The following EPHA6 variants were observed in gnomAD, a reference collection of about 807,000 sequenced individuals.
The protein encoded by EPHA6 is EPH receptor A6, also known as ephrin type-A receptor 6.
In EPHA6, 50 loss-of-function variants were observed where a neutral mutation model predicts 112.0. The ratio of observed to expected loss-of-function variants is 0.45; its 90% CI spans 0.36 to 0.56. The LOEUF (loss-of-function observed/expected upper bound fraction) is 0.56. EPHA6 is among the 20% of genes least tolerant of loss of function. The probability of loss-of-function intolerance (pLI) is 0.00; values close to 1 mark genes in which losing one functional copy is unlikely to be tolerated. For synonymous variants in EPHA6, 529 were observed against 490.7 expected (o/e 1.08, Z -1.03); for missense variants, 1,280 against 1,417.4 (o/e 0.90, Z 1.56).
At chr3:97,528,855 G>T (rs1056126391) in intron 10 of EPHA6, among the ~76,000 whole-genome samples, 8 of 152,144 alleles carry the variant, frequency 5.3e-5, no homozygotes, top group Non-Finnish European at 1.0e-4. Context: ...AGATAGATGG[G>T]GTTATTAGCT....
chr3:97,125,670 A>C (rs1451890324), intron 3 of EPHA6, among the ~76,000 whole-genome samples: 1 of 152,180 alleles, frequency 6.6e-6, no homozygotes, highest in Non-Finnish European at 1.5e-5. Flanking sequence ...AAAATGACTA[A>C]AAATTCTTTA....
At position 97,758,230 on chromosome 3, in the gene EPHA6, C is replaced by G. The variant is rs1428453733; in HGVS notation, c.*9529C>G. Among the ~76,000 whole-genome samples, 1 of 151,836 alleles carries G rather than the reference C, an allele frequency of 6.6e-6. No homozygotes were observed. The highest frequency in any genetic ancestry group is 6.6e-5 in the Admixed American group (1 of 15,240). On this transcript the variant is annotated 3_prime_UTR_variant, in exon 18 of 18. Coordinates refer to ENST00000389672, the MANE Select transcript of EPHA6 (RefSeq NM_001080448.3). Reference sequence around the variant, plus strand: ...AAAACCTTTGAGAAAACAAAATAATCGTTTTCCCTACCTTACAACCTTGAT... The same window carrying G: ...AAAACCTTTGAGAAAACAAAATAATGGTTTTCCCTACCTTACAACCTTGAT...
chr3:97,510,850 ACTGGGACTGCTTC>A (rs1300248079), intron 10 of EPHA6, among the ~76,000 whole-genome samples: 1 of 152,340 alleles, frequency 6.6e-6, no homozygotes, highest in East Asian at 1.9e-4. Flanking sequence ...TAAGCCCCTG[ACTGGGACTGCTTC>A]CTTTCTTTCA....
intron 3 of EPHA6, among the ~76,000 whole-genome samples, chr3:97,010,519 CTT>C (rs929368480): frequency 4.9e-4 from 74 of 152,160 alleles, no homozygotes; most frequent in African/African-American, 1.7e-3. Flanking sequence ...AGTTATCAAA[CTT>C]GTTATTTTTT....
intron 3 of EPHA6, among the ~76,000 whole-genome samples, chr3:97,041,937 A>G (rs568735377): frequency 6.6e-5 from 10 of 152,192 alleles, no homozygotes; most frequent in Admixed American, 3.9e-4. Context: ...ACAATTCAAC[A>G]TAAGATTTGG....
chr3:97,165,777 A>G (rs1232244933), intron 3 of EPHA6, among the ~76,000 whole-genome samples: 2 of 152,178 alleles, frequency 1.3e-5, no homozygotes, highest in African/African-American at 4.8e-5. Context: ...GCTTCTCCAT[A>G]TGGGAAGTAG....
intron 13 of EPHA6, among the ~76,000 whole-genome samples, chr3:97,637,480 C>CAGAAGGG (rs1358033358): frequency 6.6e-6 from 1 of 152,034 alleles, no homozygotes; most frequent in Non-Finnish European, 1.5e-5. Context: ...GCCCTTCTAC[C>CAGAAGGG]CAGCTGTACA....
chr3:97,298,783 TA>T (rs1185527005), intron 5 of EPHA6, among the ~76,000 whole-genome samples: 9 of 151,924 alleles, frequency 5.9e-5, no homozygotes, highest in South Asian at 4.1e-4. Context: ...GATTTTCTTC[TA>T]AAAAAAATTC....
chr3:97,215,955 A>G (rs2078022942), intron 3 of EPHA6, among the ~76,000 whole-genome samples: 1 of 152,198 alleles, frequency 6.6e-6, no homozygotes, highest in African/African-American at 2.4e-5. Flanking sequence ...CAATTCACTA[A>G]CAGGAATAAG....
At chr3:97,006,012 G>A (rs942880658) in intron 3 of EPHA6, among the ~76,000 whole-genome samples, 1 of 152,094 alleles carries the variant, frequency 6.6e-6, no homozygotes, top group African/African-American at 2.4e-5. Context: ...TGCTGGATTC[G>A]GTTTGCCAGT....
chr3:97,012,651 G>A (rs1446733048), intron 3 of EPHA6, among the ~76,000 whole-genome samples: 2 of 144,288 alleles, frequency 1.4e-5, no homozygotes, highest in African/African-American at 2.6e-5. Flanking sequence ...AAAGAAACTG[G>A]GTTTTGTCTT....
At chr3:97,273,443 G>A (rs111553620) in intron 5 of EPHA6, among the ~76,000 whole-genome samples, 1,862 of 152,262 alleles carry the variant, frequency 0.012, 36 homozygotes, top group African/African-American at 0.043. Context: ...TGGGGGCACA[G>A]TCCAAGTTGA....
intron 12 of EPHA6, among the ~76,000 whole-genome samples, chr3:97,601,887 A>T (rs1440063385): frequency 6.6e-6 from 1 of 152,136 alleles, no homozygotes; most frequent in Non-Finnish European, 1.5e-5. Context: ...TTTTCTTTTG[A>T]CAGTGAATGA....
intron 14 of EPHA6, among the ~76,000 whole-genome samples, chr3:97,664,421 T>A (rs2094191723): frequency 6.6e-6 from 1 of 152,182 alleles, no homozygotes; most frequent in Non-Finnish European, 1.5e-5. Flanking sequence ...AAGACAGGGA[T>A]GCCCTCCCTC....
intron 10 of EPHA6, among the ~76,000 whole-genome samples, chr3:97,489,645 C>A (rs2091787303): frequency 6.7e-6 from 1 of 150,328 alleles, no homozygotes. Context: ...GAGATCGCAC[C>A]ACTGCACTCC....
intron 1 of EPHA6, among the ~76,000 whole-genome samples, chr3:96,825,846 C>T (rs1196080435): frequency 6.6e-6 from 1 of 151,496 alleles, no homozygotes; most frequent in Non-Finnish European, 1.5e-5. Flanking sequence ...TTTTATGGTC[C>T]TTCTTCCCAT....
intron 11 of EPHA6, among the ~76,000 whole-genome samples, chr3:97,535,304 A>G (rs2107656723): frequency 6.6e-6 from 1 of 152,138 alleles, no homozygotes; most frequent in Non-Finnish European, 1.5e-5. Flanking sequence ...TTTTTGTTCC[A>G]CTTCTTAAAA....
At chr3:97,573,746 G>A (rs1436824787) in intron 11 of EPHA6, among the ~76,000 whole-genome samples, 5 of 151,926 alleles carry the variant, frequency 3.3e-5, no homozygotes, top group Non-Finnish European at 5.9e-5. Context: ...GCAGAAAATG[G>A]AAAGGAAAAA....
intron 2 of EPHA6, among the ~76,000 whole-genome samples, chr3:96,913,424 T>A (rs2039332086): frequency 6.6e-6 from 1 of 152,086 alleles, no homozygotes; most frequent in African/African-American, 2.4e-5. Context: ...TCCAATCACA[T>A]TTAAGAAAGA....
Sources: gnomAD v4.1 joint callset for allele counts (sites outside exome capture counted in the v4.1 genomes callset) on GRCh38, gnomAD v4.1.1 for gene constraint, MANE v1.5 for transcripts, NCBI Gene and HGNC (gene_info 2026-07-23, HGNC 2026-07-21) for gene names.